Variants in LRMDA observed in about 807,000 individuals in gnomAD.
The protein encoded by LRMDA is leucine rich melanocyte differentiation associated, also known as leucine-rich melanocyte differentiation-associated protein.
A neutral mutation model predicts 29.8 loss-of-function variants in LRMDA; 18 were observed. The observed-to-expected ratio is 0.60, with a 90% CI of 0.42 to 0.90. The LOEUF is 0.90. LRMDA is among the 40% of genes least tolerant of loss of function. LRMDA has a pLI of 0.00. For synonymous variants in LRMDA, 125 were observed against 109.4 expected (o/e 1.14, Z -0.89); for missense variants, 273 against 273.9 (o/e 1.00, Z 0.02).
intron 6 of LRMDA, chr10:76,402,228 T>A (rs1364759322): frequency 6.6e-6 from 1 of 152,242 alleles, no homozygotes; most frequent in Admixed American, 6.5e-5. Context: ...TCCTTGGGGC[T>A]GGAACAAGCT....
At chr10:75,592,566 C>T (rs769673650) in intron 2 of LRMDA, among the ~76,000 whole-genome samples, 10 of 152,176 alleles carry the variant, frequency 6.6e-5, no homozygotes, top group Non-Finnish European at 1.2e-4. Context: ...ATTAATTCAT[C>T]GGTAATGGGT....
intron 2 of LRMDA, among the ~76,000 whole-genome samples, chr10:76,005,505 T>C (rs1847634408): frequency 6.6e-6 from 1 of 152,152 alleles, no homozygotes; most frequent in African/African-American, 2.4e-5. Context: ...TCCAGCTACT[T>C]GTGAGGCTGA....
At chr10:75,678,239 A>G (rs1057501303) in intron 2 of LRMDA, among the ~76,000 whole-genome samples, 2 of 152,182 alleles carry the variant, frequency 1.3e-5, no homozygotes, top group African/African-American at 2.4e-5. Flanking sequence ...TGGCAATATA[A>G]TGGATACAAA....
intron 6 of LRMDA, among the ~76,000 whole-genome samples, chr10:76,486,677 T>C (rs1842785550): frequency 6.6e-6 from 1 of 151,896 alleles, no homozygotes; most frequent in Non-Finnish European, 1.5e-5. Flanking sequence ...TTTGGAGAGA[T>C]GTAGTGGGAA....
intron 4 of LRMDA, among the ~76,000 whole-genome samples, chr10:76,050,690 A>G (rs1310421941): frequency 6.6e-6 from 1 of 152,238 alleles, no homozygotes; most frequent in Non-Finnish European, 1.5e-5. Flanking sequence ...CCACCATGCT[A>G]CTGAGAAACC....
chr10:75,492,991 A>G (rs1845005152), intron 2 of LRMDA, among the ~76,000 whole-genome samples: 1 of 152,212 alleles, frequency 6.6e-6, no homozygotes, highest in African/African-American at 2.4e-5. Flanking sequence ...CCGCTGCTGT[A>G]AAAGGGACAG....
At chr10:75,600,265 C>T (rs1448063495) in intron 2 of LRMDA, among the ~76,000 whole-genome samples, 2 of 152,168 alleles carry the variant, frequency 1.3e-5, no homozygotes, top group South Asian at 2.1e-4. Flanking sequence ...CAACACCTTG[C>T]GTGTGAAGGG....
At chr10:76,062,952 G>A (rs547380383) in intron 5 of LRMDA, among the ~76,000 whole-genome samples, 202 of 152,122 alleles carry the variant, frequency 1.3e-3, no homozygotes, top group Non-Finnish European at 2.4e-3. Context: ...GTGTGTGGTC[G>A]GCATGTCAGC....
chr10:76,165,622 C>T (rs1333274648), intron 5 of LRMDA, among the ~76,000 whole-genome samples: 1 of 152,212 alleles, frequency 6.6e-6, no homozygotes, highest in Non-Finnish European at 1.5e-5. Context: ...GAGGAAGACT[C>T]AGGAAACCTA....
chr10:76,488,286 T>G (rs1328217711), intron 6 of LRMDA, among the ~76,000 whole-genome samples: 1 of 151,838 alleles, frequency 6.6e-6, no homozygotes, highest in Non-Finnish European at 1.5e-5. Context: ...TATGAGAAAT[T>G]ATCATCCCTA....
At chr10:76,247,125 T>A (rs1424275770) in intron 5 of LRMDA, among the ~76,000 whole-genome samples, 1 of 152,216 alleles carries the variant, frequency 6.6e-6, no homozygotes, top group Non-Finnish European at 1.5e-5. Flanking sequence ...TATCCCAGAA[T>A]AGCTTAACTA....
intron 5 of LRMDA, among the ~76,000 whole-genome samples, chr10:76,161,065 G>A (rs983897686): frequency 6.6e-6 from 1 of 152,044 alleles, no homozygotes; most frequent in African/African-American, 2.4e-5. Context: ...AAAAATAAAC[G>A]AGAGATAACT....
chr10:76,272,365 C>T (rs1473910060), intron 5 of LRMDA, among the ~76,000 whole-genome samples: 1 of 152,120 alleles, frequency 6.6e-6, no homozygotes, highest in Non-Finnish European at 1.5e-5. Flanking sequence ...GCTTTGTTTC[C>T]AGATAGTTCT....
At chr10:75,640,868 G>T (rs1221022137) in intron 2 of LRMDA, among the ~76,000 whole-genome samples, 2 of 152,162 alleles carry the variant, frequency 1.3e-5, no homozygotes, top group Non-Finnish European at 2.9e-5. Context: ...AGTCTGAGTG[G>T]GGGATTCTCA....
intron 2 of LRMDA, among the ~76,000 whole-genome samples, chr10:75,971,401 T>C (rs1351750551): frequency 6.6e-6 from 1 of 152,136 alleles, no homozygotes; most frequent in East Asian, 1.9e-4. Flanking sequence ...ATGGACTCAG[T>C]TGGGTTGTTT....
In LRMDA at chr10:76,431,315, G is replaced by C. The variant is rs546856241; in HGVS notation, c.601+106830G>C. 3.2e-4 allele frequency among the ~76,000 whole-genome samples: 48 copies of C among 152,296 alleles called. 1 individual carries two copies. In the South Asian group the frequency reaches 6.8e-3, roughly 22 times the overall value. ...GGCCCATAACTAGGAGCTTTTTGCT[G>C]TTGAAAAGCAACTTTGCTGACTGCA... On this transcript the variant is annotated intron_variant, in intron 6 of 6. Transcript: ENST00000611255.
At chr10:75,541,127 G>A (rs1840010511) in intron 2 of LRMDA, among the ~76,000 whole-genome samples, 2 of 152,124 alleles carry the variant, frequency 1.3e-5, no homozygotes, top group African/African-American at 4.8e-5. Context: ...TTCAAACCCT[G>A]GTGGGACGGA....
intron 2 of LRMDA, among the ~76,000 whole-genome samples, chr10:75,612,048 G>A (rs1043554951): frequency 3.9e-5 from 6 of 152,178 alleles, no homozygotes; most frequent in African/African-American, 1.4e-4. Flanking sequence ...AACAGAAAAG[G>A]TGAATGGGGT....
intron 2 of LRMDA, among the ~76,000 whole-genome samples, chr10:75,942,261 G>A (rs1846404785): frequency 6.6e-6 from 1 of 152,078 alleles, no homozygotes; most frequent in Non-Finnish European, 1.5e-5. Flanking sequence ...GTATTCATTT[G>A]TGCCACCTCA....
Sources: allele counts gnomAD v4.1 joint callset (sites outside exome capture counted in the v4.1 genomes callset), GRCh38; gene constraint gnomAD v4.1.1; transcripts MANE v1.5; gene names NCBI Gene and HGNC (gene_info 2026-07-23, HGNC 2026-07-21).